Variants in NTN1 observed in about 807,000 individuals in gnomAD.
NTN1 encodes the protein netrin 1.
Under a neutral mutation model 54.2 loss-of-function variants are expected in NTN1, and 11 were observed. The observed-to-expected ratio is 0.20, with a 90% CI of 0.13 to 0.34. NTN1 has a LOEUF of 0.34. Among genes scored for constraint, NTN1 ranks in the 10% least tolerant of loss-of-function variants. The pLI is 1.00. For missense variants in NTN1, 740 were observed against 893.1 expected, an observed-to-expected ratio of 0.83 and a Z score of 2.18; for synonymous variants, 371 against 382.0, an observed-to-expected ratio of 0.97 and a Z score of 0.33.
the NTN1 span, among the ~76,000 whole-genome samples, chr17:9,007,025 A>G: frequency 2.6e-5 from 4 of 152,266 alleles, no homozygotes; most frequent in Non-Finnish European, 5.9e-5. Context: ...ACGGGGCCTG[A>G]CAGTAAGTGC....
intron 3 of NTN1, among the ~76,000 whole-genome samples, chr17:9,172,034 A>T (rs2092388365): frequency 6.6e-6 from 1 of 151,932 alleles, no homozygotes; most frequent in African/African-American, 2.4e-5. Context: ...GATTACAGGC[A>T]TGCGCCACCA....
intron 2 of NTN1, among the ~76,000 whole-genome samples, chr17:9,126,699 G>A (rs2092248608): frequency 6.6e-6 from 1 of 152,196 alleles, no homozygotes; most frequent in Non-Finnish European, 1.5e-5. Flanking sequence ...CTGATGATGG[G>A]TAGGAGGGCT....
chr17:9,034,389 G>A (rs1378015243), intron 2 of NTN1, among the ~76,000 whole-genome samples: 2 of 151,514 alleles, frequency 1.3e-5, no homozygotes, highest in Non-Finnish European at 2.9e-5. Context: ...AATCCTCATA[G>A]CGGCCCTATC....
chr17:9,098,466 G>A (rs1029843181), intron 2 of NTN1, among the ~76,000 whole-genome samples: 2 of 152,342 alleles, frequency 1.3e-5, no homozygotes, highest in South Asian at 2.1e-4. Context: ...CAGGATGGCT[G>A]GGAAGGGTCA....
intron 2 of NTN1, among the ~76,000 whole-genome samples, chr17:9,141,684 C>T (rs888904364): frequency 2.6e-5 from 4 of 151,838 alleles, no homozygotes; most frequent in African/African-American, 9.7e-5. Context: ...TGAAAGGGGA[C>T]AAGAGGAAGA....
At chr17:9,019,653 G>A (rs2091839390), upstream of NTN1, among the ~76,000 whole-genome samples, 1 of 152,216 alleles carries the variant, frequency 6.6e-6, no homozygotes, top group Non-Finnish European at 1.5e-5. Flanking sequence ...TTGTACAGAT[G>A]GAGGAAACCA....
At chr17:9,218,853 C>T (rs547329230) in intron 5 of NTN1, among the ~76,000 whole-genome samples, 3 of 150,646 alleles carry the variant, frequency 2.0e-5, no homozygotes, top group African/African-American at 7.4e-5. Flanking sequence ...GTGAGGAGGC[C>T]GGTGAAAGGG....
intron 6 of NTN1, among the ~76,000 whole-genome samples, chr17:9,238,191 C>CCATT (rs1287829692): frequency 2.0e-5 from 3 of 152,014 alleles, no homozygotes; most frequent in African/African-American, 7.2e-5. Flanking sequence ...TGGGGTGGTT[C>CCATT]CATTGTCTGG....
chr17:9,231,605 G>A (rs976424029), intron 6 of NTN1, among the ~76,000 whole-genome samples: 15 of 152,246 alleles, frequency 9.9e-5, no homozygotes, highest in South Asian at 4.1e-4. Context: ...CCCGGCTTGC[G>A]GTGAGGGGAT....
chr17:9,107,467 GA>G (rs1567712175), intron 2 of NTN1, among the ~76,000 whole-genome samples: 1 of 152,142 alleles, frequency 6.6e-6, no homozygotes, highest in Non-Finnish European at 1.5e-5. Flanking sequence ...TTGTTAGAAA[GA>G]AAAAAAGTTT....
chr17:9,236,382 A>C (rs1905990437), intron 6 of NTN1, among the ~76,000 whole-genome samples: 1 of 152,190 alleles, frequency 6.6e-6, no homozygotes, highest in Non-Finnish European at 1.5e-5. Flanking sequence ...GCTGATGCTC[A>C]TGCTCCCAGA....
rs1437723888 is a variant in NTN1 at position 9,239,984 on chromosome 17, C to T, written c.*16C>T. On this transcript the variant is annotated 3_prime_UTR_variant, in exon 7 of 7. Coordinates refer to ENST00000173229, the MANE Select transcript of NTN1 (RefSeq NM_004822.3). This position sits in a 1 kb window ranked among gnomAD's most constrained non-coding sequence, Gnocchi z 5.2. ...GAAGGCCTAGCGCCGAGGCAGCGGG[C>T]GGGCGGGCGGGCGGGCGCCAGGGCG... 10 of 5,918 alleles carry T rather than the reference C, an allele frequency of 1.7e-3. No homozygotes were observed. Among genetic ancestry groups the T allele is most frequent in the African/African-American group, 4.3e-3 (6 of 1,410 alleles). 0.4% of individuals were successfully genotyped at this position (5,918 alleles called of 1,614,324 possible).
intron 2 of NTN1, among the ~76,000 whole-genome samples, chr17:9,094,193 G>C (rs1317427926): frequency 6.6e-6 from 1 of 152,132 alleles, no homozygotes; most frequent in East Asian, 1.9e-4. Context: ...TGACTCTCTT[G>C]CTGCAACCTA....
At chr17:9,033,168 C>T (rs1417988038) in intron 2 of NTN1, among the ~76,000 whole-genome samples, 1 of 151,960 alleles carries the variant, frequency 6.6e-6, no homozygotes, top group African/African-American at 2.4e-5. Flanking sequence ...TGGCCAGGCT[C>T]GTCTCGAACT....
At chr17:9,054,241 A>T (rs2091970508) in intron 2 of NTN1, among the ~76,000 whole-genome samples, 2 of 152,230 alleles carry the variant, frequency 1.3e-5, no homozygotes, top group African/African-American at 4.8e-5. Flanking sequence ...CAGAGTGATT[A>T]TCTAGAACAA....
chr17:9,210,462 A>C (rs1386663508), intron 5 of NTN1, among the ~76,000 whole-genome samples: 2 of 130,890 alleles, frequency 1.5e-5, no homozygotes, highest in African/African-American at 5.7e-5. Flanking sequence ...ACACACACAC[A>C]CACACTCTTC....
chr17:9,221,161 C>CTG lies in NTN1; in HGVS notation c.1412-7_1412-6insTG. The CTG allele has an allele frequency of 6.3e-7, 1 of 1,592,540 alleles. No homozygotes were observed. On this transcript the variant is annotated splice_polypyrimidine_tract_variant and splice_region_variant and intron_variant, in intron 5 of 6. Transcript: ENST00000173229. This position sits in a 1 kb window ranked among gnomAD's most constrained non-coding sequence, Gnocchi z 4.5. ...TTTGTCTGTGCTCCCCCCCCACCCC[C>CTG]CTGCAGACTGCGATTCCTACTGCAA...
At chr17:9,110,937 T>C (rs2092188245) in intron 2 of NTN1, among the ~76,000 whole-genome samples, 1 of 147,936 alleles carries the variant, frequency 6.8e-6, no homozygotes, top group Non-Finnish European at 1.5e-5. Flanking sequence ...GGATCTTTTT[T>C]TTTTTTTTTT....
intron 2 of NTN1, among the ~76,000 whole-genome samples, chr17:9,026,779 C>T (rs949033675): frequency 2.4e-4 from 37 of 151,836 alleles, no homozygotes; most frequent in Non-Finnish European, 1.5e-4. Context: ...TTTAGCATGA[C>T]GAAGCATGCT....
Sources: gnomAD v4.1 joint callset for allele counts (sites outside exome capture counted in the v4.1 genomes callset) on GRCh38, gnomAD v4.1.1 for gene constraint, Gnocchi (gnomAD v3.1) non-coding constraint, MANE v1.5 for transcripts, NCBI Gene and HGNC (gene_info 2026-07-23, HGNC 2026-07-21) for gene names.